VTI1A: variants seen among roughly 807,000 people sequenced by gnomAD.
VTI1A encodes the protein vesicle transport through interaction with t-SNAREs homolog 1A.
A neutral mutation model predicts 34.9 loss-of-function variants in VTI1A; 22 were observed. The ratio of observed to expected loss-of-function variants is 0.63; its 90% CI spans 0.45 to 0.90. The LOEUF (loss-of-function observed/expected upper bound fraction) is 0.90. VTI1A is among the 40% of genes least tolerant of loss of function. The probability of loss-of-function intolerance (pLI) is 0.00; values close to 1 mark genes in which losing one functional copy is unlikely to be tolerated. For missense variants in VTI1A, 268 were observed against 275.6 expected (o/e 0.97, Z 0.20); for synonymous variants, 87 against 97.3 (o/e 0.89, Z 0.62).
chr10:112,566,037 T>G (rs1202857438), intron 5 of VTI1A, among the ~76,000 whole-genome samples: 1 of 152,052 alleles, frequency 6.6e-6, no homozygotes. Context: ...AGATAAACAT[T>G]AAAACAACTT....
At chr10:112,472,457 A>G (rs1374996107) in intron 3 of VTI1A, among the ~76,000 whole-genome samples, 2 of 151,772 alleles carry the variant, frequency 1.3e-5, no homozygotes, top group Non-Finnish European at 2.9e-5. Context: ...TACTGATACT[A>G]CCTGTACTCT....
chr10:112,559,558 A>T (rs1298187531), intron 5 of VTI1A, among the ~76,000 whole-genome samples: 1 of 152,160 alleles, frequency 6.6e-6, no homozygotes, highest in Non-Finnish European at 1.5e-5. Flanking sequence ...AACAACAGAA[A>T]GGAGGCCTTC....
At chr10:112,559,771 C>G (rs942392815) in intron 5 of VTI1A, among the ~76,000 whole-genome samples, 1 of 152,162 alleles carries the variant, frequency 6.6e-6, no homozygotes, top group African/African-American at 2.4e-5. Context: ...CACAGCCATT[C>G]TAGATGTTGC....
chr10:112,669,121 G>A, intron 7 of VTI1A, 123 bp downstream of exon 7: 2 of 1,061,120 alleles, frequency 1.9e-6, no homozygotes, highest in Non-Finnish European at 2.7e-6. Flanking sequence ...CCCTGTGCAG[G>A]ACCCATTTGA....
At chr10:112,744,777 G>A (rs974101700) in intron 7 of VTI1A, among the ~76,000 whole-genome samples, 3 of 152,120 alleles carry the variant, frequency 2.0e-5, no homozygotes, top group Admixed American at 6.5e-5. Flanking sequence ...TCCCTTAGCT[G>A]TGCATCGACA....
intron 5 of VTI1A, among the ~76,000 whole-genome samples, chr10:112,586,613 CT>C (rs1421731464): frequency 6.6e-6 from 1 of 152,128 alleles, no homozygotes; most frequent in African/African-American, 2.4e-5. Flanking sequence ...TTCCTTATCT[CT>C]TTTTGTCCTC....
chr10:112,808,306 T>A (rs779534490), intron 7 of VTI1A, among the ~76,000 whole-genome samples: 35 of 151,790 alleles, frequency 2.3e-4, no homozygotes, highest in Non-Finnish European at 3.8e-4. Flanking sequence ...GCAGGGACAC[T>A]GTTCAATCCA....
chr10:112,778,462 C>CATCTGGACT (rs761284000), intron 7 of VTI1A, among the ~76,000 whole-genome samples: 7 of 152,152 alleles, frequency 4.6e-5, no homozygotes, highest in Non-Finnish European at 8.8e-5. Context: ...ACCCCGATAC[C>CATCTGGACT]ATCTGGACTG....
chr10:112,506,163 G>C (rs1849420479), intron 3 of VTI1A, among the ~76,000 whole-genome samples: 1 of 152,126 alleles, frequency 6.6e-6, no homozygotes, highest in African/African-American at 2.4e-5. Context: ...TTACAAGTCT[G>C]TACGGCATAT....
intron 3 of VTI1A, among the ~76,000 whole-genome samples, chr10:112,502,946 G>C (rs959680174): frequency 6.6e-6 from 1 of 151,968 alleles, no homozygotes; most frequent in African/African-American, 2.4e-5. Context: ...GATTCTTTAG[G>C]AACAAACAAA....
At chr10:112,452,345 A>C (rs1490103756) in intron 1 of VTI1A, among the ~76,000 whole-genome samples, 1 of 152,182 alleles carries the variant, frequency 6.6e-6, no homozygotes, top group African/African-American at 2.4e-5. Context: ...CAAGGCGGGC[A>C]GATCACGAGC....
At chr10:112,456,093 T>A (rs573449353) in intron 1 of VTI1A, among the ~76,000 whole-genome samples, 1 of 152,194 alleles carries the variant, frequency 6.6e-6, no homozygotes, top group Admixed American at 6.5e-5. Flanking sequence ...TCAAGAGTAG[T>A]CTCTGCCTTC....
chr10:112,547,302 C>T (rs911337649), intron 5 of VTI1A, among the ~76,000 whole-genome samples: 3 of 151,812 alleles, frequency 2.0e-5, no homozygotes, highest in African/African-American at 4.8e-5. Flanking sequence ...ATAGTCCAGG[C>T]GTGGTGGCTC....
chr10:112,531,614 T>C (rs1289150800), intron 4 of VTI1A, among the ~76,000 whole-genome samples: 1 of 152,156 alleles, frequency 6.6e-6, no homozygotes, highest in Non-Finnish European at 1.5e-5. Flanking sequence ...TTGGAACCTA[T>C]TGAAAAAACA....
rs1853524634 is a variant in VTI1A at position 112,816,428 on chromosome 10, G to A, written c.*1045G>A. The stretch of plus-strand genomic sequence containing the variant: ...CCCTAACCTCCTTTAAAAGAATAGA[G>A]GATGGCAGATTGTTCCAAAAGGAAT... On this transcript the variant is annotated 3_prime_UTR_variant, in exon 8 of 8. Transcript: ENST00000393077. 2 of 224,886 alleles carry A rather than the reference G, an allele frequency of 8.9e-6. No homozygotes were observed. The highest frequency in any genetic ancestry group is 1.1e-4 in the Admixed American group (2 of 17,490). 13.9% of individuals were successfully genotyped at this position (224,886 alleles called of 1,614,324 possible).
At chr10:112,734,537 G>A (rs10885380) in intron 7 of VTI1A, among the ~76,000 whole-genome samples, 24,758 of 151,842 alleles carry the variant, frequency 0.16, 3,594 homozygotes, top group African/African-American at 0.39. Context: ...CTTTAAAAGG[G>A]CTCTTTGTAA....
chr10:112,488,162 A>C (rs1196685979), intron 3 of VTI1A, among the ~76,000 whole-genome samples: 1 of 152,218 alleles, frequency 6.6e-6, no homozygotes, highest in South Asian at 2.1e-4. Context: ...TTGTACTATC[A>C]GGTACTAAAC....
chr10:112,613,514 G>A (rs374029238), intron 5 of VTI1A, among the ~76,000 whole-genome samples: 33 of 151,844 alleles, frequency 2.2e-4, no homozygotes, highest in African/African-American at 7.3e-4. Flanking sequence ...ATTCTCTCTC[G>A]GCCTCTTTTT....
intron 5 of VTI1A, among the ~76,000 whole-genome samples, chr10:112,664,836 C>G (rs922338200): frequency 6.6e-6 from 1 of 152,162 alleles, no homozygotes; most frequent in Non-Finnish European, 1.5e-5. Context: ...GGAAGGAGCT[C>G]TTCCTTCCAG....
Sources: gnomAD v4.1 joint callset for allele counts (sites outside exome capture counted in the v4.1 genomes callset) on GRCh38, gnomAD v4.1.1 for gene constraint, MANE v1.5 for transcripts, NCBI Gene and HGNC (gene_info 2026-07-23, HGNC 2026-07-21) for gene names.